PTPRK: variants seen among roughly 807,000 people sequenced by gnomAD.
The protein encoded by PTPRK is protein tyrosine phosphatase receptor type K, also known as receptor-type tyrosine-protein phosphatase kappa.
Under a neutral mutation model 178.0 loss-of-function variants are expected in PTPRK, and 75 were observed. The ratio of observed to expected loss-of-function variants is 0.42; its 90% CI spans 0.35 to 0.51. PTPRK has a LOEUF of 0.51. PTPRK is among the 20% of genes least tolerant of loss of function. The pLI is 0.02. For synonymous variants in PTPRK, 637 were observed against 620.6 expected, an observed-to-expected ratio of 1.03 and a Z score of -0.39; for missense variants, 1,441 against 1,797.8, an observed-to-expected ratio of 0.80 and a Z score of 3.59.
intron 3 of PTPRK, among the ~76,000 whole-genome samples, chr6:128,315,443 T>G (rs1209053264): frequency 1.3e-5 from 2 of 152,126 alleles, no homozygotes; most frequent in African/African-American, 4.8e-5. Context: ...ATAAGGGAAT[T>G]CCAGTGGTGT....
intron 3 of PTPRK, among the ~76,000 whole-genome samples, chr6:128,275,969 T>C (rs1268473099): frequency 6.6e-6 from 1 of 152,054 alleles, no homozygotes; most frequent in Non-Finnish European, 1.5e-5. Context: ...GGGTAATATA[T>C]AAACCTTGCC....
intron 6 of PTPRK, among the ~76,000 whole-genome samples, chr6:128,188,108 A>G (rs1039243749): frequency 5.9e-5 from 9 of 152,292 alleles, no homozygotes; most frequent in Admixed American, 2.0e-4. Flanking sequence ...GGAGGTATCA[A>G]ATGAAGCATG....
chr6:128,512,607 G>C (rs911727574), intron 1 of PTPRK, among the ~76,000 whole-genome samples: 2 of 152,156 alleles, frequency 1.3e-5, no homozygotes, highest in African/African-American at 4.8e-5. Flanking sequence ...AAGGCAATTA[G>C]GTCTTCTGGG....
chr6:128,412,553 G>A (rs1034220348), intron 1 of PTPRK, among the ~76,000 whole-genome samples: 1 of 152,196 alleles, frequency 6.6e-6, no homozygotes, highest in Admixed American at 6.5e-5. Flanking sequence ...CAACATGCTG[G>A]CCAGGTATCA....
intron 7 of PTPRK, among the ~76,000 whole-genome samples, chr6:128,091,695 A>T (rs1176960730): frequency 6.6e-6 from 1 of 152,026 alleles, no homozygotes; most frequent in Non-Finnish European, 1.5e-5. Context: ...TAATTCTTTA[A>T]TTTTTTATTT....
intron 2 of PTPRK, among the ~76,000 whole-genome samples, chr6:128,361,608 T>C (rs1834755596): frequency 2.0e-5 from 3 of 152,164 alleles, no homozygotes; most frequent in Non-Finnish European, 4.4e-5. Context: ...GTCTATTACA[T>C]ATGATATAGT....
chr6:128,403,184 T>A (rs1841243010), intron 1 of PTPRK, among the ~76,000 whole-genome samples: 2 of 152,218 alleles, frequency 1.3e-5, no homozygotes, highest in East Asian at 3.8e-4. Flanking sequence ...ATTTAGCTAG[T>A]AAGACTTCTA....
At chr6:128,058,779 T>C (rs926164241) in intron 13 of PTPRK, among the ~76,000 whole-genome samples, 2 of 152,032 alleles carry the variant, frequency 1.3e-5, no homozygotes, top group Admixed American at 1.3e-4. Context: ...TTGACTATTG[T>C]AACATCATAA....
At chr6:128,285,927 C>A (rs546208908) in intron 3 of PTPRK, among the ~76,000 whole-genome samples, 1 of 152,266 alleles carries the variant, frequency 6.6e-6, no homozygotes, top group Non-Finnish European at 1.5e-5. Context: ...TCTACTTAAT[C>A]TTATGACTCC....
In PTPRK at chr6:128,402,319, G is replaced by A. The variant is rs1414426922; in HGVS notation, c.101-4631C>T. ...GTCGCCCAGGCTAGAGTGCAGTGGC[G>A]CGATCTCGGCTCACAGCAACCTCTG... On this transcript the variant is annotated intron_variant, in intron 1 of 29. Coordinates refer to ENST00000368226, the MANE Select transcript of PTPRK (RefSeq NM_002844.4). 4.6e-5 allele frequency among the ~76,000 whole-genome samples: 7 copies of A among 152,158 alleles called. No individual in the cohort carries two copies. In the East Asian group the frequency reaches 5.8e-4, roughly 13 times the overall value.
intron 3 of PTPRK, among the ~76,000 whole-genome samples, chr6:128,271,431 G>C (rs1819804072): frequency 6.6e-6 from 1 of 152,100 alleles, no homozygotes; most frequent in East Asian, 1.9e-4. Context: ...GAAAGCAGAT[G>C]ATTTTATTCA....
At chr6:128,029,075 T>C (rs986648612) in intron 13 of PTPRK, among the ~76,000 whole-genome samples, 2 of 152,170 alleles carry the variant, frequency 1.3e-5, no homozygotes, top group Admixed American at 1.3e-4. Flanking sequence ...TATTCCCCAA[T>C]GCTGGAGATG....
At chr6:128,018,457 A>G (rs994048801) in intron 13 of PTPRK, among the ~76,000 whole-genome samples, 2 of 152,100 alleles carry the variant, frequency 1.3e-5, no homozygotes, top group Non-Finnish European at 2.9e-5. Context: ...CATCTCTGGA[A>G]AAACACTAAT....
intron 2 of PTPRK, among the ~76,000 whole-genome samples, chr6:128,349,627 T>C (rs1832858802): frequency 1.3e-5 from 2 of 151,912 alleles, no homozygotes; most frequent in African/African-American, 4.8e-5. Context: ...CAGAAACATA[T>C]TCACACCGTT....
chr6:128,133,129 G>T (rs1032024865), intron 7 of PTPRK, among the ~76,000 whole-genome samples: 1 of 152,126 alleles, frequency 6.6e-6, no homozygotes, highest in Non-Finnish European at 1.5e-5. Flanking sequence ...ATTTAAAACT[G>T]TATGTTGAAA....
intron 1 of PTPRK, among the ~76,000 whole-genome samples, chr6:128,415,588 T>C (rs1433573542): frequency 6.6e-6 from 1 of 152,064 alleles, no homozygotes; most frequent in Non-Finnish European, 1.5e-5. Flanking sequence ...TGTCCATTTG[T>C]TAAGTTCTCC....
chr6:128,323,780 T>G (rs1829165290), intron 2 of PTPRK, among the ~76,000 whole-genome samples: 1 of 152,150 alleles, frequency 6.6e-6, no homozygotes. Flanking sequence ...TGGCTGATAT[T>G]ATTGTTCACT....
In PTPRK at chr6:128,184,714, G is replaced by T. The variant is rs374539512; in HGVS notation, c.880C>A (p.Pro294Thr). ...CCAAGAAGCTGAGGAGGAGCAATGG[G>T]TCTTGGCGGTTCTAGGAGAGATGAG... The part of the protein sequence containing the change: ...AQLIVREPPR[P>T]IAPPQLLGVG... The change falls in exon 7 of 30, where the codon CCC (proline) becomes ACC (threonine). Residue 294 changes from proline (P) to threonine (T), a missense_variant. By Grantham distance (38) the Pro-to-Thr change is conservative. This residue lies in a region of PTPRK where 945 missense variants were observed against 1,080.6 expected (regional missense o/e 0.87). Coordinates refer to ENST00000368226, the MANE Select transcript of PTPRK (RefSeq NM_002844.4). The T allele has an allele frequency of 3.7e-6, 6 of 1,613,652 alleles. No individual in the cohort carries two copies. Among genetic ancestry groups the T allele is most frequent in the Non-Finnish European group, 5.1e-6 (6 of 1,179,782 alleles).
rs5879886 is a variant in PTPRK, at chr6:128,307,160, A to AAAAAAT, written c.495+14878_495+14879insATTTTT. Among the ~76,000 whole-genome samples, 318 of 142,362 alleles carry AAAAAAT rather than the reference A, an allele frequency of 2.2e-3. 1 individual carries two copies. The highest frequency in any genetic ancestry group is 7.9e-3 in the African/African-American group (291 of 36,844). The allele number at this position is 142,362 out of a possible 152,430, so 93.4% of individuals were successfully genotyped here. On this transcript the variant is annotated intron_variant, in intron 3 of 29. Transcript: ENST00000368226. The stretch of plus-strand genomic sequence containing the variant: ...AGGCTCAGAGCTCAGAAGAAAAAAA[A>AAAAAAT]ATATATATATATATATATGGATATA...
Sources: allele counts gnomAD v4.1 joint callset (sites outside exome capture counted in the v4.1 genomes callset), GRCh38; gene constraint gnomAD v4.1.1; regional missense constraint gnomAD v4.1.1; transcripts MANE v1.5; gene names NCBI Gene and HGNC (gene_info 2026-07-23, HGNC 2026-07-21).